CALN1: variants seen among roughly 807,000 people sequenced by gnomAD.
The protein encoded by CALN1 is calneuron 1, also known as calcium-binding protein 8.
CALN1 carries 17 observed loss-of-function variants against 30.6 expected under a neutral mutation model. The ratio of observed to expected loss-of-function variants is 0.56; its 90% CI spans 0.38 to 0.83. CALN1 has a LOEUF of 0.83. Ranked by LOEUF, CALN1 falls within the 40% of genes least tolerant of loss-of-function variation. The pLI is 0.00. For synonymous variants in CALN1, 156 were observed against 131.4 expected, an observed-to-expected ratio of 1.19 and a Z score of -1.28; for missense variants, 291 against 354.9, an observed-to-expected ratio of 0.82 and a Z score of 1.45.
intron 4 of CALN1, among the ~76,000 whole-genome samples, chr7:72,041,378 A>AT (rs916396843): frequency 2.0e-5 from 3 of 151,038 alleles, no homozygotes; most frequent in East Asian, 2.0e-4. Flanking sequence ...CCCCGCCCAA[A>AT]TTTTTTTTAT....
chr7:72,263,990 A>C (rs564408530), intron 3 of CALN1, among the ~76,000 whole-genome samples: 1 of 152,254 alleles, frequency 6.6e-6, no homozygotes, highest in African/African-American at 2.4e-5. Flanking sequence ...ATTAAGTGAA[A>C]TTGATGAGGG....
At chr7:72,216,855 G>C (rs112815538) in intron 3 of CALN1, among the ~76,000 whole-genome samples, 1,905 of 152,222 alleles carry the variant, frequency 0.013, 37 homozygotes, top group African/African-American at 0.043. Flanking sequence ...CACCTGAAGT[G>C]ATCCTCCTGC....
chr7:72,394,280 T>C (rs184157466), intron 2 of CALN1, among the ~76,000 whole-genome samples: 9 of 152,300 alleles, frequency 5.9e-5, no homozygotes, highest in South Asian at 2.1e-4. Context: ...CTTAGGTGAA[T>C]TGGTATGGTA....
intron 1 of CALN1, among the ~76,000 whole-genome samples, chr7:72,411,659 T>C (rs910943460): frequency 1.3e-5 from 2 of 152,212 alleles, no homozygotes; most frequent in Non-Finnish European, 2.9e-5. Flanking sequence ...TTGTCAGGCC[T>C]AAAAGTGGAT....
At chr7:72,447,117 G>C (rs972512888), upstream of CALN1, 1 of 166,900 alleles carries the variant, frequency 6.0e-6, no homozygotes. Flanking sequence ...CATCAGGAAG[G>C]AGCAGGGCAC....
intron 5 of CALN1, among the ~76,000 whole-genome samples, chr7:71,965,708 A>G (rs1428782925): frequency 2.0e-5 from 3 of 152,232 alleles, no homozygotes; most frequent in Non-Finnish European, 4.4e-5. Context: ...CAAAAGATAT[A>G]TTGGTGAAAG....
At chr7:72,070,603 G>A (rs1272814112) in intron 4 of CALN1, among the ~76,000 whole-genome samples, 1 of 152,150 alleles carries the variant, frequency 6.6e-6, no homozygotes, top group Non-Finnish European at 1.5e-5. Context: ...AGAGTTCCCT[G>A]ACTTTATTGT....
At chr7:72,283,686 C>A (rs1218302935) in intron 2 of CALN1, among the ~76,000 whole-genome samples, 1 of 152,190 alleles carries the variant, frequency 6.6e-6, no homozygotes, top group Non-Finnish European at 1.5e-5. Context: ...GGATTACATG[C>A]TGGATTACAA....
At position 71,932,892 on chromosome 7, in the gene CALN1, C is replaced by T. The variant is rs117257705; in HGVS notation, c.501+90765G>A. Among the ~76,000 whole-genome samples the T allele has an allele frequency of 5.6e-3, 843 of 151,772 alleles. 6 individuals are homozygous for T. The highest frequency in any genetic ancestry group is 9.4e-3 in the Non-Finnish European group (641 of 67,958). ...AAGATTTTTATTCTGATACGCTTCT[C>T]CCCATTCATAATCACTACTTTTGAC... On this transcript the variant is annotated intron_variant, in intron 5 of 6. Coordinates refer to ENST00000395275, the MANE Select transcript of CALN1 (RefSeq NM_031468.4).
At chr7:72,356,288 A>G (rs1803224716) in intron 2 of CALN1, among the ~76,000 whole-genome samples, 1 of 150,240 alleles carries the variant, frequency 6.7e-6, no homozygotes, top group African/African-American at 2.5e-5. Context: ...AAATCTGAAT[A>G]ACTATTGTAT....
At chr7:72,470,810 T>C in the CALN1 span, among the ~76,000 whole-genome samples, 1 of 152,162 alleles carries the variant, frequency 6.6e-6, no homozygotes, top group Non-Finnish European at 1.5e-5. Flanking sequence ...CCAGAATTAG[T>C]ATATTTCAGT....
intron 2 of CALN1, among the ~76,000 whole-genome samples, chr7:72,305,619 A>T (rs990492493): frequency 6.6e-6 from 1 of 152,142 alleles, no homozygotes; most frequent in Non-Finnish European, 1.5e-5. Context: ...GGATTATTTG[A>T]TCTACGGGAA....
intron 4 of CALN1, among the ~76,000 whole-genome samples, chr7:72,033,296 G>A (rs1801575223): frequency 6.6e-6 from 1 of 152,130 alleles, no homozygotes; most frequent in Non-Finnish European, 1.5e-5. Context: ...AAAAATCACT[G>A]CAAAATAAAA....
chr7:72,422,797 G>C (rs1807657146), intron 1 of CALN1, among the ~76,000 whole-genome samples: 1 of 151,894 alleles, frequency 6.6e-6, no homozygotes, highest in Non-Finnish European at 1.5e-5. Flanking sequence ...GTGTCATTTT[G>C]TCTTTATCTT....
intron 3 of CALN1, among the ~76,000 whole-genome samples, chr7:72,243,181 T>C (rs1053916733): frequency 2.0e-5 from 3 of 152,184 alleles, no homozygotes; most frequent in Non-Finnish European, 4.4e-5. Flanking sequence ...ATGGTATCAG[T>C]GCCCTTATGA....
intron 2 of CALN1, among the ~76,000 whole-genome samples, chr7:72,394,018 G>C (rs548373308): frequency 6.6e-6 from 1 of 152,314 alleles, no homozygotes; most frequent in African/African-American, 2.4e-5. Flanking sequence ...TGAGTGAACA[G>C]ATTTCCAAGA....
At chr7:71,995,327 G>T (rs1480895226) in intron 5 of CALN1, among the ~76,000 whole-genome samples, 1 of 152,216 alleles carries the variant, frequency 6.6e-6, no homozygotes, top group African/African-American at 2.4e-5. Context: ...ACCCGTGCAA[G>T]CTTTAGCCTG....
chr7:72,377,247 T>C lies in CALN1; in HGVS notation c.119+26004A>G, dbSNP rs139855440. Among the ~76,000 whole-genome samples, 564 of 152,334 alleles carry C rather than the reference T, an allele frequency of 3.7e-3. 4 individuals carry two copies. The highest frequency in any genetic ancestry group is 0.017 in the Middle Eastern group (5 of 294). On this transcript the variant is annotated intron_variant, in intron 2 of 6. Transcript: ENST00000395275. Reference sequence around the variant, plus strand: ...AGTTAGAATTTTGACAGGAGTTGCATTGAGTCTGCAGGTCAATTTGGGGAC... The same window carrying C: ...AGTTAGAATTTTGACAGGAGTTGCACTGAGTCTGCAGGTCAATTTGGGGAC...
chr7:72,130,409 GA>G (rs1051098231), intron 3 of CALN1, among the ~76,000 whole-genome samples: 40 of 152,162 alleles, frequency 2.6e-4, no homozygotes, highest in Non-Finnish European at 4.7e-4. Context: ...ATTTACTTAT[GA>G]AAAAAAGAAG....
Sources: gnomAD v4.1 joint callset for allele counts (sites outside exome capture counted in the v4.1 genomes callset) on GRCh38, gnomAD v4.1.1 for gene constraint, MANE v1.5 for transcripts, NCBI Gene and HGNC (gene_info 2026-07-23, HGNC 2026-07-21) for gene names.